The following NIBAN1 variants were observed in gnomAD, a reference collection of about 807,000 sequenced individuals.
NIBAN1 encodes the protein protein Niban 1.
A neutral mutation model predicts 75.1 loss-of-function variants in NIBAN1; 81 were observed. That is an observed-to-expected ratio of 1.08 (90% CI 0.90 to 1.30). The LOEUF (loss-of-function observed/expected upper bound fraction) is 1.30. NIBAN1 is among the 50% of genes most tolerant of loss of function. The pLI is 0.00. For synonymous variants in NIBAN1, 436 were observed against 424.8 expected (o/e 1.03, Z -0.32); for missense variants, 1,133 against 1,128.1 (o/e 1.00, Z -0.06).
At chr1:184,832,056 C>T in intron 5 of NIBAN1, 94 bp from the exon 6 acceptor site, 1 of 862,674 alleles carries the variant, frequency 1.2e-6, no homozygotes. Flanking sequence ...CTAGCATTAT[C>T]TGAAAATGAC....
intron 1 of NIBAN1, among the ~76,000 whole-genome samples, chr1:184,929,519 G>T (rs957544068): frequency 1.3e-5 from 2 of 151,714 alleles, no homozygotes; most frequent in African/African-American, 4.8e-5. Flanking sequence ...AGTTTGAAAG[G>T]AAGGTCTATG....
chr1:184,865,834 A>G (rs1187093790), intron 5 of NIBAN1, among the ~76,000 whole-genome samples: 1 of 152,236 alleles, frequency 6.6e-6, no homozygotes, highest in African/African-American at 2.4e-5. Flanking sequence ...GATGAGGAGC[A>G]TGAGAAAAAA....
chr1:184,865,946 G>A (rs952007663), intron 5 of NIBAN1, among the ~76,000 whole-genome samples: 14 of 152,150 alleles, frequency 9.2e-5, no homozygotes, highest in African/African-American at 3.4e-4. Flanking sequence ...CTGTTAACAA[G>A]TAAAATAGAC....
intron 1 of NIBAN1, among the ~76,000 whole-genome samples, chr1:184,902,062 A>G (rs1484674961): frequency 1.3e-5 from 2 of 152,182 alleles, no homozygotes; most frequent in African/African-American, 4.8e-5. Flanking sequence ...GACTGAGAGC[A>G]AAGTCTGGTG....
chr1:184,797,594 C>A (rs1653912920), intron 13 of NIBAN1, among the ~76,000 whole-genome samples: 1 of 150,058 alleles, frequency 6.7e-6, no homozygotes, highest in South Asian at 2.1e-4. Context: ...TGAGTGGAGT[C>A]TGGGAATGTG....
chr1:184,958,038 T>G (rs1402122263), intron 1 of NIBAN1, among the ~76,000 whole-genome samples: 1 of 152,154 alleles, frequency 6.6e-6, no homozygotes, highest in African/African-American at 2.4e-5. Context: ...CTATTTATAA[T>G]CTACCATCTC....
chr1:184,901,429 T>G (rs1158294062), intron 1 of NIBAN1, among the ~76,000 whole-genome samples: 1 of 152,252 alleles, frequency 6.6e-6, no homozygotes, highest in Non-Finnish European at 1.5e-5. Flanking sequence ...TTGGTTATTA[T>G]GCTATCAGCT....
intron 1 of NIBAN1, among the ~76,000 whole-genome samples, chr1:184,968,944 T>G (rs189065432): frequency 3.3e-5 from 5 of 152,218 alleles, no homozygotes; most frequent in Non-Finnish European, 7.3e-5. Flanking sequence ...GGACACCTCA[T>G]GGTCCATGAC....
intron 1 of NIBAN1, among the ~76,000 whole-genome samples, chr1:184,901,355 T>C (rs1656950207): frequency 6.6e-6 from 1 of 152,222 alleles, no homozygotes; most frequent in Admixed American, 6.5e-5. Context: ...TGTGCATTTA[T>C]GGTATTACTA....
At chr1:184,836,580 G>A (rs1655152063) in intron 5 of NIBAN1, among the ~76,000 whole-genome samples, 1 of 152,166 alleles carries the variant, frequency 6.6e-6, no homozygotes, top group Non-Finnish European at 1.5e-5. Flanking sequence ...TGGAGATGTG[G>A]ATGTCAGACA....
chr1:184,912,318 A>G (rs1487287475), intron 1 of NIBAN1, among the ~76,000 whole-genome samples: 1 of 152,132 alleles, frequency 6.6e-6, no homozygotes, highest in African/African-American at 2.4e-5. Context: ...TGATGTGAAC[A>G]TTGGTGCACG....
At chr1:184,885,074 A>G (rs999191229) in intron 4 of NIBAN1, among the ~76,000 whole-genome samples, 6 of 152,134 alleles carry the variant, frequency 3.9e-5, no homozygotes, top group Non-Finnish European at 8.8e-5. Flanking sequence ...TTTGAGACAG[A>G]GTCTCGCTCT....
intron 1 of NIBAN1, among the ~76,000 whole-genome samples, chr1:184,940,984 G>A (rs968773418): frequency 5.3e-5 from 8 of 152,190 alleles, no homozygotes; most frequent in East Asian, 1.9e-4. Context: ...CCGGACACAC[G>A]TCAGTCTATC....
chr1:184,899,408 C>T (rs957397873), intron 1 of NIBAN1, 99 bp from the exon 2 acceptor site: 2 of 1,255,122 alleles, frequency 1.6e-6, no homozygotes, highest in Non-Finnish European at 2.2e-6. Context: ...CTGTTTCTAT[C>T]CCTCCAGTCA....
At chr1:184,920,337 T>C (rs1332804294) in intron 1 of NIBAN1, among the ~76,000 whole-genome samples, 1 of 152,182 alleles carries the variant, frequency 6.6e-6, no homozygotes, top group Non-Finnish European at 1.5e-5. Context: ...AATGATCAAA[T>C]CAGGGTAATT....
At chr1:184,864,944 C>T (rs1428660948) in intron 5 of NIBAN1, among the ~76,000 whole-genome samples, 1 of 149,186 alleles carries the variant, frequency 6.7e-6, no homozygotes, top group African/African-American at 2.5e-5. Context: ...CTAAGAATGA[C>T]CTCATCACAG....
rs562448693 is a variant in NIBAN1 at position 184,899,231 on chromosome 1, C to T, written c.134G>A (p.Arg45His). 1.7e-5 allele frequency: 28 copies of T among 1,613,914 alleles called. No individual in the cohort carries two copies. The highest frequency in any genetic ancestry group is 1.2e-4 in the Admixed American group (7 of 60,004). The change falls in exon 2 of 14, where the codon CGC becomes CAC. Residue 45 changes from arginine to histidine, a missense_variant. Transcript: ENST00000367511. ...ATCTCTTTGCTGTTCTACTTCAGTG[C>T]GCACGTGATTGCAGAAAGCCACAGA... ...QYSVAFCNHV[R>H]TEVEQQRDLT...
At position 184,884,712 on chromosome 1, in the gene NIBAN1, G is replaced by A. The variant is rs1389774438; in HGVS notation, c.522C>T (p.Gly174=). 2.7e-5 allele frequency: 43 copies of A among 1,614,110 alleles called. No homozygotes were observed. Among genetic ancestry groups the A allele is most frequent in the Non-Finnish European group, 3.5e-5 (41 of 1,180,032 alleles). Residue 174 remains glycine (G), a synonymous_variant, in exon 5 of 14, where the codon GGC becomes GGT. Transcript: ENST00000367511. ...CAGCAGCCTCGTGGAAGCAGAAGTA[G>A]CCGTGTCTGAAGAAGGGCTGCCACA... The part of the protein sequence containing the change: ...VYLWQPFFRH[G]YFCFHEAADQ...
intron 1 of NIBAN1, among the ~76,000 whole-genome samples, chr1:184,932,344 T>C (rs1449973814): frequency 2.0e-5 from 3 of 152,182 alleles, no homozygotes; most frequent in Admixed American, 1.3e-4. Context: ...AACTAGACGG[T>C]CCCATCTGGG....
Sources: gnomAD v4.1 joint callset for allele counts (sites outside exome capture counted in the v4.1 genomes callset) on GRCh38, gnomAD v4.1.1 for gene constraint, MANE v1.5 for transcripts, NCBI Gene and HGNC (gene_info 2026-07-23, HGNC 2026-07-21) for gene names.